Variants in NCMAP observed in about 807,000 individuals in gnomAD.
NCMAP encodes noncompact myelin-associated protein.
NCMAP carries 8 observed loss-of-function variants against 7.8 expected under a neutral mutation model. The observed-to-expected ratio is 1.02, with a 90% confidence interval of 0.60 to 1.84. The LOEUF is 1.84. Ranked by LOEUF, NCMAP falls within the 40% of genes most tolerant of loss-of-function variation. NCMAP has a pLI of 0.00. For missense variants in NCMAP, 112 were observed against 131.4 expected, an observed-to-expected ratio of 0.85 and a Z score of 0.72; for synonymous variants, 41 against 52.9, an observed-to-expected ratio of 0.78 and a Z score of 0.98.
At chr1:24,566,787 C>T (rs1272763706) in intron 1 of NCMAP, among the ~76,000 whole-genome samples, 1 of 152,174 alleles carries the variant, frequency 6.6e-6, no homozygotes, top group Admixed American at 6.5e-5. Flanking sequence ...ATCCACTAAG[C>T]ATTTATTAGA....
chr1:24,582,103 T>A (rs1651763629), intron 1 of NCMAP, among the ~76,000 whole-genome samples: 2 of 152,176 alleles, frequency 1.3e-5, no homozygotes, highest in Admixed American at 1.3e-4. Context: ...ACTCTTTCTC[T>A]GTCCGTCTCT....
At chr1:24,573,969 A>AAAAAAAAAAAAAAAC (rs1274825221) in intron 1 of NCMAP, among the ~76,000 whole-genome samples, 2 of 136,782 alleles carry the variant, frequency 1.5e-5, no homozygotes, top group African/African-American at 2.9e-5. Context: ...AAAAAAAAAA[A>AAAAAAAAAAAAAAAC]AACAGAAAAA....
At chr1:24,563,571 G>A (rs1651125278) in intron 1 of NCMAP, 1 of 150,248 alleles carries the variant, frequency 6.7e-6, no homozygotes, top group African/African-American at 2.4e-5. Context: ...AAGAAATTCA[G>A]TGACTTCTGA....
Position 24,605,741 on chromosome 1 carries a change from G to A in NCMAP, c.303G>A (p.Thr101=), listed in dbSNP as rs74062045. The part of the protein sequence containing the change: ...TFSPVDVQVE[T]R ...GTCCTGTTGACGTCCAGGTGGAGAC[G>A]CGATGACCTCTACCCTGGCGCTATC... The change falls in exon 4 of 4, where the codon ACG becomes ACA. Residue 101 remains threonine (T), a synonymous_variant. Coordinates refer to ENST00000374392, the MANE Select transcript of NCMAP (RefSeq NM_001010980.5). The A allele has an allele frequency of 0.01, 16,535 of 1,614,020 alleles. 1,471 individuals are homozygous for A. In the African/African-American group the frequency reaches 0.19, roughly 19 times the overall value.
intron 1 of NCMAP, among the ~76,000 whole-genome samples, chr1:24,582,410 T>C (rs1016847323): frequency 1.3e-5 from 2 of 152,178 alleles, no homozygotes; most frequent in African/African-American, 4.8e-5. Flanking sequence ...TGTAATTAAG[T>C]TCATGACTTT....
chr1:24,560,097 C>G (rs1207296927), intron 1 of NCMAP, among the ~76,000 whole-genome samples: 7 of 141,622 alleles, frequency 4.9e-5, no homozygotes, highest in Non-Finnish European at 9.0e-5. Context: ...GGAAGCGGAG[C>G]TTGGAGTGAG....
At chr1:24,592,039 C>G (rs1652063056) in intron 1 of NCMAP, among the ~76,000 whole-genome samples, 2 of 152,178 alleles carry the variant, frequency 1.3e-5, no homozygotes, top group Non-Finnish European at 2.9e-5. Context: ...GATAAGGACT[C>G]TCTGGAGAGA....
intron 3 of NCMAP, among the ~76,000 whole-genome samples, chr1:24,602,321 TC>T (rs1652528183): frequency 6.7e-6 from 1 of 149,558 alleles, no homozygotes; most frequent in African/African-American, 2.5e-5. Context: ...ATGAATATTA[TC>T]CTGTAATCCC....
At chr1:24,596,438 T>C (rs1404854023) in intron 2 of NCMAP, among the ~76,000 whole-genome samples, 1 of 151,960 alleles carries the variant, frequency 6.6e-6, no homozygotes, top group Admixed American at 6.5e-5. Context: ...ATCCCAGCAG[T>C]TTGGGAGGCC....
intron 1 of NCMAP, among the ~76,000 whole-genome samples, chr1:24,564,529 A>AC (rs1449497933): frequency 2.1e-4 from 25 of 117,632 alleles, no homozygotes; most frequent in Non-Finnish European, 3.8e-4. Flanking sequence ...AAAAAAAAAA[A>AC]AAACAAAAAA....
chr1:24,577,420 T>TTTTTTTTTTTTTTTTTTTTTTTG (rs1557596597), intron 1 of NCMAP, among the ~76,000 whole-genome samples: 2 of 143,750 alleles, frequency 1.4e-5, no homozygotes, highest in Non-Finnish European at 3.0e-5. Context: ...TTTTTTTTTT[T>TTTTTTTTTTTTTTTTTTTTTTTG]TTTTTTTTTT....
intron 2 of NCMAP, among the ~76,000 whole-genome samples, chr1:24,598,405 C>T (rs113826324): frequency 1.8e-4 from 28 of 152,016 alleles, no homozygotes; most frequent in Non-Finnish European, 2.8e-4. Flanking sequence ...CTCCACCCCC[C>T]CAAGGGGACC....
intron 3 of NCMAP, among the ~76,000 whole-genome samples, chr1:24,601,935 G>C (rs371888701): frequency 6.6e-6 from 1 of 152,064 alleles, no homozygotes; most frequent in Non-Finnish European, 1.5e-5. Flanking sequence ...CAGCTACTCG[G>C]GAGGCTGAGG....
chr1:24,605,037 AC>A (rs1209568619), intron 3 of NCMAP, among the ~76,000 whole-genome samples: 1 of 151,460 alleles, frequency 6.6e-6, no homozygotes, highest in Non-Finnish European at 1.5e-5. Flanking sequence ...AATCGCTTGA[AC>A]CCAGGAGGCG....
intron 1 of NCMAP, among the ~76,000 whole-genome samples, chr1:24,564,513 C>G (rs1434375604): frequency 2.0e-5 from 1 of 50,016 alleles, no homozygotes; most frequent in Middle Eastern, 0.02. Context: ...GATTCTGTCT[C>G]AAAAAAAAAA....
Position 24,579,838 on chromosome 1 carries a change from T to G in NCMAP, c.-7-15586T>G, listed in dbSNP as rs111485573. On this transcript the variant is annotated intron_variant, in intron 1 of 3. Transcript: ENST00000374392. ...GGCCGACTGGACAGAACCTGGCCATTGTATTAGAAGATTCTCTAGTCAATC... is the reference window on the plus strand; with the variant it reads ...GGCCGACTGGACAGAACCTGGCCATGGTATTAGAAGATTCTCTAGTCAATC... Among the ~76,000 whole-genome samples, 522 of 152,312 alleles carry G rather than the reference T, an allele frequency of 3.4e-3. 4 individuals are homozygous for G. Among genetic ancestry groups the G allele is most frequent in the African/African-American group, 0.012 (493 of 41,572 alleles).
At chr1:24,579,688 C>G (rs971047172) in intron 1 of NCMAP, among the ~76,000 whole-genome samples, 1 of 152,130 alleles carries the variant, frequency 6.6e-6, no homozygotes, top group African/African-American at 2.4e-5. Flanking sequence ...TGATTTGCAC[C>G]ACTGCACTCC....
At chr1:24,570,441 G>T (rs557495902) in intron 1 of NCMAP, among the ~76,000 whole-genome samples, 1 of 150,782 alleles carries the variant, frequency 6.6e-6, no homozygotes, top group African/African-American at 2.5e-5. Flanking sequence ...GCTGGAGTGA[G>T]CCGTGATTGT....
Position 24,592,787 on chromosome 1 carries a change from C to T in NCMAP, c.-7-2637C>T, listed in dbSNP as rs938718823. On this transcript the variant is annotated intron_variant, in intron 1 of 3. Transcript: ENST00000374392. ...CAAAAAAATTAGCCGGGAGTGGTGG[C>T]GGGCGCCTGTAGTCCCAGCTACTCG... Among the ~76,000 whole-genome samples the T allele has an allele frequency of 5.3e-5, 8 of 151,998 alleles. No individual in the cohort carries two copies. The East Asian group carries it at 5.8e-4, about 11-fold the overall frequency.
Sources: gnomAD v4.1 joint callset for allele counts (sites outside exome capture counted in the v4.1 genomes callset) on GRCh38, gnomAD v4.1.1 for gene constraint, MANE v1.5 for transcripts, NCBI Gene and HGNC (gene_info 2026-07-23, HGNC 2026-07-21) for gene names.